Variants in RALGAPA1 observed in about 807,000 individuals in gnomAD.
RALGAPA1 encodes the protein Ral GTPase activating protein catalytic subunit alpha 1, also known as ral GTPase-activating protein subunit alpha-1.
A neutral mutation model predicts 269.6 loss-of-function variants in RALGAPA1; 52 were observed. That is an observed-to-expected ratio of 0.19 (90% CI 0.15 to 0.24). RALGAPA1 has a LOEUF of 0.24. Among genes scored for constraint, RALGAPA1 ranks in the 10% least tolerant of loss-of-function variants. RALGAPA1 has a pLI of 1.00. For synonymous variants in RALGAPA1, 817 were observed against 1,008.3 expected, an observed-to-expected ratio of 0.81 and a Z score of 3.60; for missense variants, 1,917 against 3,013.9, an observed-to-expected ratio of 0.64 and a Z score of 8.52.
chr14:35,747,993 G>A (rs1217258433), intron 10 of RALGAPA1, among the ~76,000 whole-genome samples: 1 of 151,606 alleles, frequency 6.6e-6, no homozygotes, highest in Non-Finnish European at 1.5e-5. Flanking sequence ...GAGGGTAAAA[G>A]CAATAAAAAC....
chr14:35,657,185 CTTTTTT>C, intron 28 of RALGAPA1, among the ~76,000 whole-genome samples: 1 of 150,658 alleles, frequency 6.6e-6, no homozygotes, highest in Admixed American at 6.6e-5. Flanking sequence ...TTTTCTTTTT[CTTTTTT>C]CTTTTTTTTT....
rs80124114 is a variant in RALGAPA1, at chr14:35,700,034, C to T, written c.2407+128G>A. The T allele has an allele frequency of 4.4e-3, 3,390 of 767,862 alleles. 65 individuals carry two copies. In the African/African-American group the frequency reaches 0.051, roughly 11 times the overall value. 47.6% of individuals were successfully genotyped at this position (767,862 alleles called of 1,614,324 possible). ...ACTCAAAATGTTGATTTCTCAATCA[C>T]TTTCCCACTTTCCCACACCTCCCCC... On this transcript the variant is annotated intron_variant, in intron 17 of 41. Coordinates refer to ENST00000680220, the MANE Select transcript of RALGAPA1 (RefSeq NM_001346249.2).
chr14:35,599,534 C>G (rs1248621006), intron 36 of RALGAPA1, among the ~76,000 whole-genome samples: 2 of 152,092 alleles, frequency 1.3e-5, no homozygotes, highest in South Asian at 2.1e-4. Context: ...TGCCTGAGAA[C>G]AGGAGTTTGA....
chr14:35,806,359 T>G (rs1169527675), intron 1 of RALGAPA1, among the ~76,000 whole-genome samples: 3 of 151,668 alleles, frequency 2.0e-5, no homozygotes, highest in African/African-American at 7.3e-5. Context: ...GGGGAGGGGG[T>G]AGGTAGAAAG....
chr14:35,744,539 T>A lies in RALGAPA1; in HGVS notation c.1252-1974A>T, dbSNP rs146064498. ...ATAATCACGTGGTCAAATGAACTTA[T>A]CTTATCGGAATGAAATCAGCAAAAA... On this transcript the variant is annotated intron_variant, in intron 10 of 41. Transcript: ENST00000680220. Among the ~76,000 whole-genome samples, 502 of 152,240 alleles carry A rather than the reference T, an allele frequency of 3.3e-3. 1 individual carries two copies. The highest frequency in any genetic ancestry group is 6.8e-3 in the Middle Eastern group (2 of 294).
At chr14:35,556,416 G>A (rs2055611389) in intron 39 of RALGAPA1, among the ~76,000 whole-genome samples, 1 of 152,092 alleles carries the variant, frequency 6.6e-6, no homozygotes, top group African/African-American at 2.4e-5. Context: ...CTTTCCTACT[G>A]TAACTAATTT....
Position 35,671,430 on chromosome 14 carries a change from T to C in RALGAPA1, c.5161A>G (p.Ile1721Val). The C allele has an allele frequency of 6.2e-7, 1 of 1,612,074 alleles. No individual in the cohort carries two copies. Among genetic ancestry groups the C allele is most frequent in the Non-Finnish European group, 8.5e-7 (1 of 1,179,064 alleles). ...PGATMLIMDF[I>V]VAAGRVASSA... Reference sequence around the variant, plus strand: ...GAAGCCACTCTACCAGCTGCTACAATAAAATCCATAATAAGCATTGTGGCA... The same window carrying C: ...GAAGCCACTCTACCAGCTGCTACAACAAAATCCATAATAAGCATTGTGGCA... Residue 1721 changes from isoleucine (I) to valine (V), a missense_variant, in exon 26 of 42, where the codon ATT becomes GTT. Physicochemically the swap from Ile to Val is conservative, Grantham distance 29 (BLOSUM62 3). Around this residue, in one of 11 missense-constraint regions of RALGAPA1, gnomAD observed 346 missense variants for 566.1 expected, o/e 0.61. Coordinates refer to ENST00000680220, the MANE Select transcript of RALGAPA1 (RefSeq NM_001346249.2).
At chr14:35,595,013 C>A (rs1160736038) in intron 37 of RALGAPA1, among the ~76,000 whole-genome samples, 1 of 151,330 alleles carries the variant, frequency 6.6e-6, no homozygotes, top group Non-Finnish European at 1.5e-5. Flanking sequence ...TTGGAGGACA[C>A]TATGTGTCCT....
intron 1 of RALGAPA1, among the ~76,000 whole-genome samples, chr14:35,787,086 T>G (rs1425530380): frequency 6.6e-6 from 1 of 152,236 alleles, no homozygotes; most frequent in African/African-American, 2.4e-5. Flanking sequence ...TCTCTTATAC[T>G]CATAACATGT....
rs117347351 is a variant in RALGAPA1, at chr14:35,709,039, T to C, written c.2267-8737A>G. On this transcript the variant is annotated intron_variant, in intron 16 of 41. Transcript: ENST00000680220. ...CTAAAAATTAAAACAATTGAAATCATGGAGATAGAGAGTAGAAGGATAGTT... is the reference window on the plus strand; with the variant it reads ...CTAAAAATTAAAACAATTGAAATCACGGAGATAGAGAGTAGAAGGATAGTT... 1.4e-3 allele frequency among the ~76,000 whole-genome samples: 206 copies of C among 152,054 alleles called. 5 individuals are homozygous for C. The East Asian group carries it at 0.032, about 23-fold the overall frequency.
At chr14:35,771,564 T>C (rs950065315) in intron 3 of RALGAPA1, among the ~76,000 whole-genome samples, 2 of 152,174 alleles carry the variant, frequency 1.3e-5, no homozygotes, top group Non-Finnish European at 1.5e-5. Context: ...ATTAACAAAA[T>C]ACATCTTTTA....
At chr14:35,605,284 A>C (rs2059531625) in intron 36 of RALGAPA1, among the ~76,000 whole-genome samples, 1 of 152,128 alleles carries the variant, frequency 6.6e-6, no homozygotes, top group Non-Finnish European at 1.5e-5. Context: ...TGTAGCCATT[A>C]GGTCCTAGTT....
intron 16 of RALGAPA1, among the ~76,000 whole-genome samples, chr14:35,703,727 A>G (rs1466645029): frequency 2.6e-5 from 4 of 152,186 alleles, no homozygotes. Context: ...CCTAAGACAC[A>G]TACATCAGTG....
intron 8 of RALGAPA1, among the ~76,000 whole-genome samples, chr14:35,751,626 AAAT>A (rs1386579735): frequency 6.6e-6 from 1 of 151,984 alleles, no homozygotes; most frequent in Non-Finnish European, 1.5e-5. Context: ...TCTAAAAAAA[AAAT>A]AATTAGCCAG....
intron 21 of RALGAPA1, among the ~76,000 whole-genome samples, chr14:35,679,827 G>A (rs1241024920): frequency 6.6e-6 from 1 of 152,060 alleles, no homozygotes; most frequent in Non-Finnish European, 1.5e-5. Context: ...GATATCAGGT[G>A]TTATCACAAT....
intron 31 of RALGAPA1, among the ~76,000 whole-genome samples, chr14:35,647,052 C>T (rs1434503096): frequency 6.6e-6 from 1 of 152,084 alleles, no homozygotes; most frequent in African/African-American, 2.4e-5. Context: ...TCACAGATTC[C>T]AGTCTTGGCT....
chr14:35,700,184 A>G lies in RALGAPA1; in HGVS notation c.2385T>C (p.Thr795=). ...TACCTGAAAGCTCATCAGAAAGGGG[A>G]GTGAGAACAATATCAGGCAAGAAGG... ...SKPFLPDIVL[T]PLSDELSDID... is the part of the protein sequence containing the mutation. The change falls in exon 17 of 42, where the codon ACT becomes ACC. Residue 795 remains threonine (T), a synonymous_variant. Transcript: ENST00000680220. The G allele has an allele frequency of 6.5e-7, 1 of 1,534,466 alleles. No individual in the cohort carries two copies. Among genetic ancestry groups the G allele is most frequent in the Non-Finnish European group, 8.7e-7 (1 of 1,146,388 alleles).
intron 13 of RALGAPA1, among the ~76,000 whole-genome samples, chr14:35,726,672 T>C (rs565495861): frequency 9.2e-5 from 14 of 152,296 alleles, no homozygotes; most frequent in African/African-American, 3.4e-4. Flanking sequence ...AAAATGCTAT[T>C]ACTTCAAGGG....
At chr14:35,546,526 G>A (rs2054475903) in intron 41 of RALGAPA1, among the ~76,000 whole-genome samples, 1 of 151,604 alleles carries the variant, frequency 6.6e-6, no homozygotes, top group South Asian at 2.1e-4. Flanking sequence ...TATAGGGTTG[G>A]TTAGACAGAA....
Sources: gnomAD v4.1 joint callset for allele counts (sites outside exome capture counted in the v4.1 genomes callset) on GRCh38, gnomAD v4.1.1 for gene constraint, gnomAD v4.1.1 regional missense constraint, MANE v1.5 for transcripts, NCBI Gene and HGNC (gene_info 2026-07-23, HGNC 2026-07-21) for gene names.